PRKCE: variants seen among roughly 807,000 people sequenced by gnomAD.
The protein encoded by PRKCE is protein kinase C epsilon.
A neutral mutation model predicts 85.4 loss-of-function variants in PRKCE; 16 were observed. The ratio of observed to expected loss-of-function variants is 0.19; its 90% confidence interval spans 0.13 to 0.28. PRKCE has a LOEUF of 0.28. Ranked by LOEUF, PRKCE falls within the 10% of genes least tolerant of loss-of-function variation. The probability of loss-of-function intolerance (pLI) is 1.00; values close to 1 mark genes in which losing one functional copy is unlikely to be tolerated. For missense variants in PRKCE, 573 were observed against 975.2 expected (o/e 0.59, Z 5.49); for synonymous variants, 388 against 371.5 (o/e 1.04, Z -0.51).
intron 2 of PRKCE, among the ~76,000 whole-genome samples, chr2:45,948,699 G>A (rs1700407526): frequency 6.6e-6 from 1 of 152,104 alleles, no homozygotes; most frequent in Non-Finnish European, 1.5e-5. Context: ...GTCAGTTCAA[G>A]TCTCCTTGTT....
At chr2:45,951,363 C>T (rs1700607838) in intron 2 of PRKCE, among the ~76,000 whole-genome samples, 1 of 152,230 alleles carries the variant, frequency 6.6e-6, no homozygotes, top group Admixed American at 6.5e-5. Flanking sequence ...TGTTTCCAGT[C>T]AGTCATGCCA....
chr2:45,794,856 C>T (rs950258002), intron 1 of PRKCE, among the ~76,000 whole-genome samples: 1 of 145,032 alleles, frequency 6.9e-6, no homozygotes, highest in Admixed American at 6.8e-5. Context: ...CCCCCCCCCC[C>T]ATCCACCATT....
In PRKCE at chr2:46,145,407, A is replaced by G. The variant is rs1287446254; in HGVS notation, c.1731+176A>G. ...AAAGTTTGCTGATTGATGTCTGTCAAGAAGTCCTAGTGTTGGGGAGATGAT... is the reference window on the plus strand; with the variant it reads ...AAAGTTTGCTGATTGATGTCTGTCAGGAAGTCCTAGTGTTGGGGAGATGAT... On this transcript the variant is annotated intron_variant, in intron 12 of 14. Transcript: ENST00000306156. The surrounding 1 kb of genome is among the most constrained non-coding windows in gnomAD (Gnocchi z 4.6). 6.6e-6 allele frequency among the ~76,000 whole-genome samples: 1 copy of G among 152,208 alleles called. No individual in the cohort carries two copies.
intron 1 of PRKCE, among the ~76,000 whole-genome samples, chr2:45,701,809 A>G: frequency 6.6e-6 from 1 of 152,224 alleles, no homozygotes; most frequent in South Asian, 2.1e-4. Flanking sequence ...TTTAGAAAAC[A>G]TCTGGATTCT....
chr2:45,724,479 A>C (rs1680892709), intron 1 of PRKCE, among the ~76,000 whole-genome samples: 1 of 152,334 alleles, frequency 6.6e-6, no homozygotes. Context: ...TTCCAGTGAA[A>C]GGAAGTCTCA....
At chr2:45,839,799 C>T (rs1017501953) in intron 1 of PRKCE, among the ~76,000 whole-genome samples, 1 of 152,256 alleles carries the variant, frequency 6.6e-6, no homozygotes, top group Non-Finnish European at 1.5e-5. Flanking sequence ...AGAGCTTCCT[C>T]GCTTGGCTAG....
chr2:46,004,495 C>G lies in PRKCE; in HGVS notation c.967-47C>G. ...GATGCTTTTGACATCAGAAAACTCT[C>G]AACCCTCCCTTCTGATGCCTCTGTC... On this transcript the variant is annotated intron_variant, in intron 7 of 14. Coordinates refer to ENST00000306156, the MANE Select transcript of PRKCE (RefSeq NM_005400.3). The surrounding 1 kb of genome is among the most constrained non-coding windows in gnomAD (Gnocchi z 4.1). The G allele has an allele frequency of 6.8e-7, 1 of 1,462,156 alleles. No homozygotes were observed. Among genetic ancestry groups the G allele is most frequent in the Middle Eastern group, 1.7e-4 (1 of 5,858 alleles). The allele number at this position is 1,462,156 out of a possible 1,614,324, so 90.6% of individuals were successfully genotyped here. A position where few individuals can be genotyped will look rare whatever the true frequency, so the allele number is the denominator to read the frequency against.
intron 10 of PRKCE, among the ~76,000 whole-genome samples, chr2:46,084,589 G>T (rs1006186970): frequency 1.3e-5 from 2 of 152,012 alleles, no homozygotes; most frequent in African/African-American, 4.8e-5. Context: ...GGGCATGGTG[G>T]TGTGTGTCTG....
At chr2:46,027,656 T>C (rs186171746) in intron 10 of PRKCE, among the ~76,000 whole-genome samples, 178 of 152,356 alleles carry the variant, frequency 1.2e-3, no homozygotes, top group African/African-American at 4.2e-3. Context: ...CTCCAAAAAT[T>C]CGAACTTTAA....
intron 10 of PRKCE, among the ~76,000 whole-genome samples, chr2:46,022,798 C>T (rs1050967229): frequency 6.6e-6 from 1 of 152,182 alleles, no homozygotes; most frequent in African/African-American, 2.4e-5. Flanking sequence ...GTTTCAATAT[C>T]ATCGGCCGGG....
intron 11 of PRKCE, among the ~76,000 whole-genome samples, chr2:46,119,815 T>A (rs1182822567): frequency 1.3e-5 from 2 of 152,216 alleles, no homozygotes; most frequent in Non-Finnish European, 2.9e-5. Context: ...TATCACTACT[T>A]ATATCTTAAT....
chr2:45,782,586 A>T (rs1001967521), intron 1 of PRKCE, among the ~76,000 whole-genome samples: 2 of 152,174 alleles, frequency 1.3e-5, no homozygotes, highest in South Asian at 4.1e-4. Flanking sequence ...GGCAAGACCT[A>T]AGATAGAAAG....
chr2:46,033,335 C>A (rs1426578908), intron 10 of PRKCE, among the ~76,000 whole-genome samples: 1 of 152,210 alleles, frequency 6.6e-6, no homozygotes, highest in Non-Finnish European at 1.5e-5. Context: ...GTTTCCTTGG[C>A]ATTCATAGCA....
Position 46,141,985 on chromosome 2 carries a change from G to A in PRKCE, c.1593-3108G>A, listed in dbSNP as rs557048854. Among the ~76,000 whole-genome samples the A allele has an allele frequency of 1.1e-4, 17 of 152,294 alleles. No individual in the cohort carries two copies. The South Asian group carries it at 2.3e-3, about 20-fold the overall frequency. On this transcript the variant is annotated intron_variant, in intron 11 of 14. Transcript: ENST00000306156. Reference sequence around the variant, plus strand: ...ATTCCCAGTCCTCCTGCCCAGTAAGGTCTACAGGTCCCTAGCAAAGAGGCA... The same window carrying A: ...ATTCCCAGTCCTCCTGCCCAGTAAGATCTACAGGTCCCTAGCAAAGAGGCA...
At chr2:45,935,395 G>A in intron 2 of PRKCE, among the ~76,000 whole-genome samples, 1 of 152,096 alleles carries the variant, frequency 6.6e-6, no homozygotes, top group Non-Finnish European at 1.5e-5. Context: ...AACTTTTGAA[G>A]TACTGTTTTA....
At chr2:45,789,469 C>G (rs182312968) in intron 1 of PRKCE, among the ~76,000 whole-genome samples, 1 of 152,196 alleles carries the variant, frequency 6.6e-6, no homozygotes, top group Non-Finnish European at 1.5e-5. Context: ...GGGCATGTAA[C>G]TCATCACTGT....
intron 8 of PRKCE, among the ~76,000 whole-genome samples, chr2:46,005,823 G>C (rs568213773): frequency 4.6e-5 from 7 of 152,274 alleles, no homozygotes; most frequent in African/African-American, 1.4e-4. Flanking sequence ...GAGATTTGAA[G>C]CATTCATAAG....
At position 46,145,630 on chromosome 2, in the gene PRKCE, G is replaced by A. The variant is rs1394403260; in HGVS notation, c.1731+399G>A. Among the ~76,000 whole-genome samples the A allele has an allele frequency of 6.6e-6, 1 of 152,172 alleles. No homozygotes were observed. Among genetic ancestry groups the A allele is most frequent in the Non-Finnish European group, 1.5e-5 (1 of 68,032 alleles). ...CATCTGTAATCCCAGCACTTTGGGA[G>A]GCCAAGGCAGGTAGATCGCTTGAGC... On this transcript the variant is annotated intron_variant, in intron 12 of 14. Transcript: ENST00000306156. This position sits in a 1 kb window ranked among gnomAD's most constrained non-coding sequence, Gnocchi z 4.6.
At chr2:45,991,310 T>C (rs1458119044) in intron 6 of PRKCE, among the ~76,000 whole-genome samples, 2 of 152,202 alleles carry the variant, frequency 1.3e-5, no homozygotes, top group Non-Finnish European at 2.9e-5. Context: ...CCAGACCTTA[T>C]AATGTTAATT....
Sources: allele counts gnomAD v4.1 joint callset (sites outside exome capture counted in the v4.1 genomes callset), GRCh38; gene constraint gnomAD v4.1.1; non-coding constraint Gnocchi (gnomAD v3.1); transcripts MANE v1.5; gene names NCBI Gene and HGNC (gene_info 2026-07-23, HGNC 2026-07-21).